The following CPNE4 variants were observed in gnomAD, a reference collection of about 807,000 sequenced individuals.
CPNE4 encodes copine 4.
A neutral mutation model predicts 67.9 loss-of-function variants in CPNE4; 25 were observed. The observed-to-expected ratio is 0.37, with a 90% CI of 0.27 to 0.51. The LOEUF (loss-of-function observed/expected upper bound fraction) is 0.51. Among genes scored for constraint, CPNE4 ranks in the 20% least tolerant of loss-of-function variants. The probability of loss-of-function intolerance (pLI) is 0.93; values close to 1 mark genes in which losing one functional copy is unlikely to be tolerated. For synonymous variants in CPNE4, 242 were observed against 244.9 expected (o/e 0.99, Z 0.11); for missense variants, 464 against 690.8 (o/e 0.67, Z 3.68).
chr3:131,553,744 GA>G (rs1274634762), intron 12 of CPNE4, among the ~76,000 whole-genome samples: 1 of 152,114 alleles, frequency 6.6e-6, no homozygotes, highest in East Asian at 1.9e-4. Flanking sequence ...CTAAGAAAGA[GA>G]GGTGCTTGTG....
rs541421023 is a variant in CPNE4, at chr3:131,546,854, C to G, written c.1302+3093G>C. ...TTGGATGCTCTTGAGGATAAGGGAGCTAAAGAGAATGGACAAGTTTCTGAC... is the reference window on the plus strand; with the variant it reads ...TTGGATGCTCTTGAGGATAAGGGAGGTAAAGAGAATGGACAAGTTTCTGAC... On this transcript the variant is annotated intron_variant, in intron 14 of 15. Coordinates refer to ENST00000429747, the MANE Select transcript of CPNE4 (RefSeq NM_130808.3). Among the ~76,000 whole-genome samples, 106 of 152,196 alleles carry G rather than the reference C, an allele frequency of 7.0e-4. 2 individuals carry two copies. Among genetic ancestry groups the G allele is most frequent in the African/African-American group, 2.3e-3 (96 of 41,516 alleles).
chr3:131,974,671 C>T (rs901371581), intron 1 of CPNE4, among the ~76,000 whole-genome samples: 1 of 152,156 alleles, frequency 6.6e-6, no homozygotes, highest in Non-Finnish European at 1.5e-5. Context: ...CCTATCTGCC[C>T]ATTGTTTCTC....
intron 7 of CPNE4, among the ~76,000 whole-genome samples, chr3:131,622,984 AG>A (rs1340707382): frequency 6.6e-6 from 1 of 152,196 alleles, no homozygotes; most frequent in Admixed American, 6.5e-5. Context: ...GGTGTCTAGA[AG>A]AGACAGAAGC....
rs1365518606 is a variant in CPNE4 at position 131,542,553 on chromosome 3, A to G, written c.1539+4T>C. On this transcript the variant is annotated splice_donor_region_variant and intron_variant, in intron 15 of 15. Coordinates refer to ENST00000429747, the MANE Select transcript of CPNE4 (RefSeq NM_130808.3). ...GAAAAGTGCCCCAATGTGTATATGC[A>G]TACGTGTTTGAAGTTCCTGAAGGGC... The G allele has an allele frequency of 1.9e-6, 3 of 1,604,606 alleles. No homozygotes were observed. Among genetic ancestry groups the G allele is most frequent in the South Asian group, 1.1e-5 (1 of 90,890 alleles).
chr3:131,828,774 A>T (rs1237836190), intron 2 of CPNE4, among the ~76,000 whole-genome samples: 1 of 152,146 alleles, frequency 6.6e-6, no homozygotes. Flanking sequence ...TTGAGGCTGC[A>T]GTGAGCTTCT....
intron 3 of CPNE4, among the ~76,000 whole-genome samples, chr3:131,722,423 G>A (rs555116431): frequency 5.3e-5 from 8 of 150,694 alleles, no homozygotes; most frequent in Non-Finnish European, 1.0e-4. Flanking sequence ...GTCAGGGAAA[G>A]TGGTCTCTTC....
chr3:131,769,313 T>C (rs1400939120), intron 2 of CPNE4, among the ~76,000 whole-genome samples: 1 of 152,138 alleles, frequency 6.6e-6, no homozygotes, highest in African/African-American at 2.4e-5. Context: ...AAAACTCAAG[T>C]GCCCGGTTCC....
At chr3:131,664,359 C>CAAATA (rs2080206569) in intron 7 of CPNE4, among the ~76,000 whole-genome samples, 1 of 152,064 alleles carries the variant, frequency 6.6e-6, no homozygotes, top group Non-Finnish European at 1.5e-5. Context: ...TTGATCAAAT[C>CAAATA]AAATAAAATG....
At chr3:131,727,575 T>G (rs1399942427) in intron 2 of CPNE4, among the ~76,000 whole-genome samples, 3 of 152,232 alleles carry the variant, frequency 2.0e-5, no homozygotes, top group Non-Finnish European at 4.4e-5. Context: ...AAAAACAGCA[T>G]TATTGAGGCA....
intron 2 of CPNE4, among the ~76,000 whole-genome samples, chr3:131,747,367 G>A (rs2082517814): frequency 6.6e-6 from 1 of 151,946 alleles, no homozygotes; most frequent in Non-Finnish European, 1.5e-5. Context: ...TGATGCAATG[G>A]AGTTTTTCCT....
At chr3:131,537,131 TA>T (rs1935193711) in intron 15 of CPNE4, among the ~76,000 whole-genome samples, 1 of 152,178 alleles carries the variant, frequency 6.6e-6, no homozygotes, top group Admixed American at 6.5e-5. Flanking sequence ...CAAAATGTGC[TA>T]TTTTTAAAGG....
chr3:131,975,341 A>AC (rs2072619197), intron 1 of CPNE4, among the ~76,000 whole-genome samples: 1 of 151,508 alleles, frequency 6.6e-6, no homozygotes, highest in Non-Finnish European at 1.5e-5. Flanking sequence ...TGATAGAAAA[A>AC]CCCCGGTTGG....
At chr3:131,889,799 G>C (rs1176975913) in intron 2 of CPNE4, among the ~76,000 whole-genome samples, 1 of 152,162 alleles carries the variant, frequency 6.6e-6, no homozygotes, top group Non-Finnish European at 1.5e-5. Flanking sequence ...CACATTTACA[G>C]TTAGCTGATC....
At chr3:131,558,738 C>T (rs1936600970) in intron 11 of CPNE4, among the ~76,000 whole-genome samples, 1 of 151,924 alleles carries the variant, frequency 6.6e-6, no homozygotes, top group African/African-American at 2.4e-5. Context: ...ATGAAGCTCA[C>T]AGCAATATGG....
rs1159534176 is a variant in CPNE4, at chr3:131,559,238, C to T, written c.1062-3687G>A. ...TTATGTAATTTTTTTTGGTATATAA[C>T]TTAAACTTGAAAGAATTGAGTAATA... On this transcript the variant is annotated intron_variant, in intron 11 of 15. Coordinates refer to ENST00000429747, the MANE Select transcript of CPNE4 (RefSeq NM_130808.3). Among the ~76,000 whole-genome samples, 3 of 152,026 alleles carry T rather than the reference C, an allele frequency of 2.0e-5. No homozygotes were observed. The East Asian group carries it at 5.8e-4, about 29-fold the overall frequency.
chr3:131,561,370 C>T (rs188321833), intron 11 of CPNE4, among the ~76,000 whole-genome samples: 41 of 151,378 alleles, frequency 2.7e-4, no homozygotes, highest in African/African-American at 9.2e-4. Flanking sequence ...CACATACATG[C>T]GTGTGTGTTT....
chr3:131,747,023 T>C (rs2082506159), intron 2 of CPNE4, among the ~76,000 whole-genome samples: 3 of 152,158 alleles, frequency 2.0e-5, no homozygotes, highest in African/African-American at 7.2e-5. Context: ...TGATGATTAG[T>C]GATGTAGAAT....
At chr3:131,938,983 G>C (rs2071305908) in intron 1 of CPNE4, among the ~76,000 whole-genome samples, 1 of 152,110 alleles carries the variant, frequency 6.6e-6, no homozygotes, top group Non-Finnish European at 1.5e-5. Flanking sequence ...TGTCAATATA[G>C]CTTGCTGTTG....
At chr3:131,956,850 G>A (rs998570611) in intron 1 of CPNE4, among the ~76,000 whole-genome samples, 2 of 152,042 alleles carry the variant, frequency 1.3e-5, no homozygotes, top group Non-Finnish European at 2.9e-5. Context: ...GAGAGAAAGA[G>A]AATTAAAGAC....
Sources: gnomAD v4.1 joint callset for allele counts (sites outside exome capture counted in the v4.1 genomes callset) on GRCh38, gnomAD v4.1.1 for gene constraint, MANE v1.5 for transcripts, NCBI Gene and HGNC (gene_info 2026-07-23, HGNC 2026-07-21) for gene names.